The following BMAL2 variants were observed in gnomAD, a reference collection of about 807,000 sequenced individuals.
The protein encoded by BMAL2 is basic helix-loop-helix ARNT-like protein 2.
At chr12:27,361,925 T>C in the BMAL2 span, among the ~76,000 whole-genome samples, 4 of 152,274 alleles carry the variant, frequency 2.6e-5, no homozygotes, top group South Asian at 4.1e-4. Context: ...GAAGAGAAGA[T>C]TATTCTGCCT....
chr12:27,420,019 G>GCGCGCGCGCGCGCACACACACACACA, the BMAL2 span, among the ~76,000 whole-genome samples: 1 of 147,478 alleles, frequency 6.8e-6, no homozygotes, highest in African/African-American at 2.5e-5. Context: ...GTTTGCGCGT[G>GCGCGCGCGCGCGCACACACACACACA]CACACACACA....
At chr12:27,420,012 T>TGCGCGCGCGCGC in the BMAL2 span, among the ~76,000 whole-genome samples, 16 of 64,826 alleles carry the variant, frequency 2.5e-4, no homozygotes, top group African/African-American at 1.1e-3. Context: ...TTCCAGGGTT[T>TGCGCGCGCGCGC]GCGCGTGCAC....
chr12:27,365,601 G>A, the BMAL2 span, among the ~76,000 whole-genome samples: 5 of 151,416 alleles, frequency 3.3e-5, no homozygotes, highest in African/African-American at 4.8e-5. Context: ...TTTCAATTTC[G>A]GTAAGTTAAA....
At chr12:27,417,463 C>T in the BMAL2 span, among the ~76,000 whole-genome samples, 2 of 152,168 alleles carry the variant, frequency 1.3e-5, no homozygotes, top group African/African-American at 4.8e-5. Flanking sequence ...CTTAAGAATG[C>T]AGGCTTTGGA....
the BMAL2 span, chr12:27,403,687 G>T: frequency 4.6e-6 from 2 of 438,412 alleles, no homozygotes; most frequent in South Asian, 5.9e-5. Context: ...GCAACAAAAA[G>T]ATATAAATTT....
chr12:27,411,628 A>G, the BMAL2 span, among the ~76,000 whole-genome samples: 2 of 152,054 alleles, frequency 1.3e-5, no homozygotes, highest in Non-Finnish European at 2.9e-5. Context: ...CTTATTGGCC[A>G]TTTGTATATT....
At chr12:27,387,743 T>C in the BMAL2 span, among the ~76,000 whole-genome samples, 8 of 152,232 alleles carry the variant, frequency 5.3e-5, no homozygotes, top group African/African-American at 1.9e-4. Flanking sequence ...GGCAACACTC[T>C]CTGAAATACA....
the BMAL2 span, among the ~76,000 whole-genome samples, chr12:27,350,345 G>A: frequency 6.6e-6 from 1 of 152,220 alleles, no homozygotes; most frequent in Admixed American, 6.5e-5. Context: ...GGCAGGTGAT[G>A]CTTGTGGAAG....
At chr12:27,375,416 A>T in the BMAL2 span, among the ~76,000 whole-genome samples, 3 of 152,238 alleles carry the variant, frequency 2.0e-5, no homozygotes, top group African/African-American at 7.2e-5. Context: ...ACGCAGAAAT[A>T]TTCATGTTAG....
the BMAL2 span, among the ~76,000 whole-genome samples, chr12:27,405,806 G>A: frequency 4.6e-5 from 7 of 152,218 alleles, no homozygotes; most frequent in Admixed American, 2.6e-4. Context: ...AGCTAAAGGA[G>A]GAAGTTTGAA....
chr12:27,395,730 A>G, the BMAL2 span, among the ~76,000 whole-genome samples: 4 of 152,230 alleles, frequency 2.6e-5, no homozygotes, highest in Non-Finnish European at 5.9e-5. Flanking sequence ...AAATATAGAT[A>G]TTTCAAGAAT....
At chr12:27,367,214 A>C in the BMAL2 span, among the ~76,000 whole-genome samples, 1 of 152,020 alleles carries the variant, frequency 6.6e-6, no homozygotes, top group Non-Finnish European at 1.5e-5. Flanking sequence ...GTGGTACTGC[A>C]ACAGTGGATC....
chr12:27,368,519 G>A, the BMAL2 span: 224 of 1,352,394 alleles, frequency 1.7e-4, 1 homozygote, highest in Non-Finnish European at 2.2e-4. Flanking sequence ...GGTAACATTT[G>A]GAGATGGGAG....
At chr12:27,401,281 G>A in the BMAL2 span, 1 of 1,614,064 alleles carries the variant, frequency 6.2e-7, no homozygotes, top group South Asian at 1.1e-5. Flanking sequence ...TAGGATATCT[G>A]CCTCAGGAAC....
At chr12:27,414,685 A>T in the BMAL2 span, among the ~76,000 whole-genome samples, 3 of 152,298 alleles carry the variant, frequency 2.0e-5, no homozygotes, top group East Asian at 5.8e-4. Flanking sequence ...AGCAATAAAT[A>T]CCTATGTTAA....
the BMAL2 span, among the ~76,000 whole-genome samples, chr12:27,385,307 C>T: frequency 6.6e-6 from 1 of 151,846 alleles, no homozygotes; most frequent in African/African-American, 2.4e-5. Flanking sequence ...GAGTAAGACT[C>T]TGTCTCAAAA....
chr12:27,347,973 G>T, the BMAL2 span, among the ~76,000 whole-genome samples: 2 of 152,218 alleles, frequency 1.3e-5, no homozygotes, highest in Non-Finnish European at 2.9e-5. Flanking sequence ...TGACAGACAT[G>T]TCATAATCAG....
the BMAL2 span, among the ~76,000 whole-genome samples, chr12:27,392,388 T>C: frequency 1.3e-5 from 2 of 152,142 alleles, no homozygotes; most frequent in Admixed American, 1.3e-4. Context: ...GCAGGTGCCA[T>C]TATTGTCACT....
chr12:27,345,898 A>C, the BMAL2 span, among the ~76,000 whole-genome samples: 1 of 152,216 alleles, frequency 6.6e-6, no homozygotes, highest in African/African-American at 2.4e-5. Context: ...AATGTTTTTT[A>C]GTAATTTTTA....
Sources: allele counts gnomAD v4.1 joint callset (sites outside exome capture counted in the v4.1 genomes callset), GRCh38; gene constraint gnomAD v4.1.1; transcripts MANE v1.5; gene names NCBI Gene and HGNC (gene_info 2026-07-23, HGNC 2026-07-21).